Variants in AGO1 observed in about 807,000 individuals in gnomAD.
AGO1 encodes protein argonaute-1.
A neutral mutation model predicts 109.2 loss-of-function variants in AGO1; 11 were observed. That is an observed-to-expected ratio of 0.10 (90% confidence interval 0.06 to 0.17). AGO1 has a LOEUF of 0.17. Among genes scored for constraint, AGO1 ranks in the 10% least tolerant of loss-of-function variants. AGO1 has a pLI of 1.00. For synonymous variants in AGO1, 422 were observed against 418.6 expected, an observed-to-expected ratio of 1.01 and a Z score of -0.10; for missense variants, 574 against 1,140.3, an observed-to-expected ratio of 0.50 and a Z score of 7.15.
At chr1:35,872,700 AAGCTAGG>A (rs1242010686) in intron 1 of AGO1, among the ~76,000 whole-genome samples, 1 of 151,874 alleles carries the variant, frequency 6.6e-6, no homozygotes, top group Non-Finnish European at 1.5e-5. Flanking sequence ...GTCACCCGAG[AAGCTAGG>A]ACTACAGTGA....
chr1:35,891,019 C>T (rs1399869238), intron 2 of AGO1, among the ~76,000 whole-genome samples: 1 of 152,164 alleles, frequency 6.6e-6, no homozygotes, highest in African/African-American at 2.4e-5. Flanking sequence ...GCGTACTATC[C>T]TCTGCCTTTT....
In AGO1 at chr1:35,901,912, C is replaced by T. The variant is rs1470902311; in HGVS notation, c.1141-36C>T. 1 of 1,551,308 alleles carries T rather than the reference C, an allele frequency of 6.4e-7. No homozygotes were observed. The highest frequency in any genetic ancestry group is 8.7e-7 in the Non-Finnish European group (1 of 1,149,574). On this transcript the variant is annotated intron_variant, in intron 9 of 18. Coordinates refer to ENST00000373204, the MANE Select transcript of AGO1 (RefSeq NM_012199.5). The surrounding 1 kb of genome is among the most constrained non-coding windows in gnomAD (Gnocchi z 4.8). ...AGAGGGTGAGCAGTATTGCCAAGCTCCTGTTCTCCTGAGATTGCTCTCTTT... is the reference window on the plus strand; with the variant it reads ...AGAGGGTGAGCAGTATTGCCAAGCTTCTGTTCTCCTGAGATTGCTCTCTTT...
In AGO1 at chr1:35,914,214, C is replaced by T. The variant is rs775325449; in HGVS notation, c.1773C>T (p.Phe591=). The change falls in exon 14 of 19, where the codon TTC becomes TTT. Residue 591 remains phenylalanine (F), a synonymous_variant. Coordinates refer to ENST00000373204, the MANE Select transcript of AGO1 (RefSeq NM_012199.5). ...RSAVFQQPVI[F]LGADVTHPPA... is the part of the protein sequence containing the mutation. ...CCGTTTTTCAACAGCCAGTGATATT[C>T]CTGGGAGCAGATGTTACACACCCCC... is the stretch of plus-strand genomic sequence containing the variant. 2 of 1,614,152 alleles carry T rather than the reference C, an allele frequency of 1.2e-6. No homozygotes were observed. Among genetic ancestry groups the T allele is most frequent in the Non-Finnish European group, 1.7e-6 (2 of 1,180,024 alleles).
At chr1:35,882,216 A>C (rs549352572), upstream of AGO1, among the ~76,000 whole-genome samples, 1 of 152,302 alleles carries the variant, frequency 6.6e-6, no homozygotes, top group South Asian at 2.1e-4. This position sits in a 1 kb window ranked among gnomAD's most constrained non-coding sequence, Gnocchi z 5.1. Context: ...CTGTCCAGCA[A>C]ACACTTGGAA....
intron 7 of AGO1, 46 bp downstream of exon 7, chr1:35,894,448 G>T: frequency 6.3e-7 from 1 of 1,585,792 alleles, no homozygotes; most frequent in South Asian, 1.1e-5. Flanking sequence ...GTGGAGAAGG[G>T]CTGAGATTTA....
chr1:35,870,368 C>T (rs912141684), intron 1 of AGO1, among the ~76,000 whole-genome samples: 1 of 151,990 alleles, frequency 6.6e-6, no homozygotes, highest in African/African-American at 2.4e-5. Context: ...ACTGCCAGCT[C>T]CGCCTCCCAG....
At chr1:35,905,711 T>G (rs1294584983) in intron 11 of AGO1, among the ~76,000 whole-genome samples, 1 of 152,118 alleles carries the variant, frequency 6.6e-6, no homozygotes, top group Non-Finnish European at 1.5e-5. Flanking sequence ...CCTCAAGTGA[T>G]CCGCCCACCC....
At chr1:35,917,081 T>A (rs556488246) in intron 15 of AGO1, among the ~76,000 whole-genome samples, 1 of 152,360 alleles carries the variant, frequency 6.6e-6, no homozygotes, top group East Asian at 1.9e-4. Context: ...TATTTACTTC[T>A]AGCTTTTCCC....
In AGO1 at chr1:35,893,030, A is replaced by T. The variant is rs542549759; in HGVS notation, c.331-67A>T. ...TGAAAAACATGTTCTCAGCAAATCC[A>T]TGGAGTTGGGGGTCATTCTCGCAGA... On this transcript the variant is annotated intron_variant, in intron 3 of 18. Transcript: ENST00000373204. The surrounding 1 kb of genome is among the most constrained non-coding windows in gnomAD (Gnocchi z 5.6). 13 of 1,450,338 alleles carry T rather than the reference A, an allele frequency of 9.0e-6. No individual in the cohort carries two copies. In the Admixed American group the frequency reaches 2.4e-4, roughly 27 times the overall value. The allele number at this position is 1,450,338 out of a possible 1,614,324, so 89.8% of individuals were successfully genotyped here. A position where few individuals can be genotyped will look rare whatever the true frequency, so the allele number is the denominator to read the frequency against.
At position 35,923,099 on chromosome 1, in the gene AGO1, G is replaced by A. The variant is rs899097755; in HGVS notation, c.*3492G>A. On this transcript the variant is annotated 3_prime_UTR_variant, in exon 19 of 19. Coordinates refer to ENST00000373204, the MANE Select transcript of AGO1 (RefSeq NM_012199.5). ...ATCCAGTCCAACCTGATCCATTAGG[G>A]ATCGAGGTGCTACACTGGCCTCCAG... is the stretch of plus-strand genomic sequence containing the variant. 1 of 152,196 alleles carries A rather than the reference G, an allele frequency of 6.6e-6. No homozygotes were observed. Among genetic ancestry groups the A allele is most frequent in the Non-Finnish European group, 1.5e-5 (1 of 68,046 alleles). The allele number at this position is 152,196 out of a possible 1,614,324, so 9.4% of individuals were successfully genotyped here.
chr1:35,898,358 G>A (rs1450429486), intron 8 of AGO1, among the ~76,000 whole-genome samples: 1 of 151,648 alleles, frequency 6.6e-6, no homozygotes, highest in Non-Finnish European at 1.5e-5. Flanking sequence ...CTGGGTTCAC[G>A]CCATTCTCCT....
chr1:35,876,264 G>C (rs1452276224), intron 1 of AGO1, among the ~76,000 whole-genome samples: 3 of 150,472 alleles, frequency 2.0e-5, no homozygotes, highest in Non-Finnish European at 4.4e-5. Flanking sequence ...TTTTTTGTTT[G>C]TTTTTTGTTT....
intron 8 of AGO1, among the ~76,000 whole-genome samples, chr1:35,896,204 G>C (rs1645315370): frequency 6.6e-6 from 1 of 152,062 alleles, no homozygotes; most frequent in African/African-American, 2.4e-5. Context: ...TCTCCATGTT[G>C]GTCAGGCTGG....
intron 8 of AGO1, 136 bp downstream of exon 8, chr1:35,895,405 A>G (rs1645300509): frequency 6.1e-6 from 6 of 975,686 alleles, no homozygotes; most frequent in Non-Finnish European, 8.6e-6. Context: ...CCTGTGAAAT[A>G]GAGGCCTCAT....
At chr1:35,896,092 C>A (rs554390326) in intron 8 of AGO1, among the ~76,000 whole-genome samples, 1 of 152,086 alleles carries the variant, frequency 6.6e-6, no homozygotes, top group African/African-American at 2.4e-5. Context: ...CTCTGCCTCC[C>A]GGGTTCAAGT....
chr1:35,899,888 T>C (rs909882264), intron 8 of AGO1, among the ~76,000 whole-genome samples: 10 of 152,026 alleles, frequency 6.6e-5, no homozygotes, highest in African/African-American at 2.4e-4. Context: ...ATTCTCAGAG[T>C]GGTTAAGAGT....
At position 35,901,131 on chromosome 1, in the gene AGO1, C is replaced by T. The variant is rs12563139; in HGVS notation, c.1021-343C>T. 0.086 allele frequency among the ~76,000 whole-genome samples: 13,052 copies of T among 151,814 alleles called. 1,982 individuals are homozygous for T. Among genetic ancestry groups the T allele is most frequent in the East Asian group, 0.67 (3,390 of 5,024 alleles). On this transcript the variant is annotated intron_variant, in intron 8 of 18. Transcript: ENST00000373204. The surrounding 1 kb of genome is among the most constrained non-coding windows in gnomAD (Gnocchi z 4.8). The stretch of plus-strand genomic sequence containing the variant: ...GAGTAGCTGGGATTACAGGCGCACG[C>T]CACCATGCCTGGCTAATTTTTGTAT...
At chr1:35,889,890 T>C (rs1165501117) in intron 2 of AGO1, among the ~76,000 whole-genome samples, 1 of 151,954 alleles carries the variant, frequency 6.6e-6, no homozygotes, top group African/African-American at 2.4e-5. Context: ...TTTTTTGGTA[T>C]TTTTAGTAGA....
At chr1:35,910,040 G>A (rs1211854751) in intron 12 of AGO1, among the ~76,000 whole-genome samples, 3 of 151,248 alleles carry the variant, frequency 2.0e-5, no homozygotes, top group African/African-American at 7.3e-5. Context: ...TATTTTATTG[G>A]GACTTCGAGT....
Sources: allele counts gnomAD v4.1 joint callset (sites outside exome capture counted in the v4.1 genomes callset), GRCh38; gene constraint gnomAD v4.1.1; non-coding constraint Gnocchi (gnomAD v3.1); transcripts MANE v1.5; gene names NCBI Gene and HGNC (gene_info 2026-07-23, HGNC 2026-07-21).